PKHD1: variants seen among roughly 807,000 people sequenced by gnomAD.
PKHD1 encodes fibrocystin.
In PKHD1, 291 loss-of-function variants were observed where a neutral mutation model predicts 412.0. That is an observed-to-expected ratio of 0.71 (90% CI 0.64 to 0.78). The LOEUF (loss-of-function observed/expected upper bound fraction) is 0.78. Among genes scored for constraint, PKHD1 ranks in the 30% least tolerant of loss-of-function variants. PKHD1 has a pLI of 0.00. For synonymous variants in PKHD1, 1,777 were observed against 1,821.5 expected, an observed-to-expected ratio of 0.98 and a Z score of 0.62; for missense variants, 4,825 against 4,950.7, an observed-to-expected ratio of 0.97 and a Z score of 0.76.
chr6:51,753,122 T>C (rs1188085136), intron 57 of PKHD1, 79 bp downstream of exon 57: 14 of 1,252,464 alleles, frequency 1.1e-5, no homozygotes, highest in Non-Finnish European at 1.6e-5. Context: ...AAATGAAAAT[T>C]CTCACAGTTG....
intron 55 of PKHD1, among the ~76,000 whole-genome samples, chr6:51,764,933 C>T (rs1788729859): frequency 6.6e-6 from 1 of 152,052 alleles, no homozygotes; most frequent in African/African-American, 2.4e-5. Context: ...TGCTCCAAAT[C>T]TCTCTTCTAC....
Position 51,659,117 on chromosome 6 carries a change from G to A in PKHD1, c.11009C>T (p.Pro3670Leu), listed in dbSNP as rs759835032. 1 of 1,613,782 alleles carries A rather than the reference G, an allele frequency of 6.2e-7. No homozygotes were observed. Among genetic ancestry groups the A allele is most frequent in the Admixed American group, 1.7e-5 (1 of 59,918 alleles). Residue 3670 changes from proline to leucine, a missense_variant, in exon 61 of 67, where the codon CCA becomes CTA. By Grantham distance (98) the Pro-to-Leu change is moderately conservative. Transcript: ENST00000371117. ...AATCATTCCAGTGCTCCTTACTGTT[G>A]GCGAATCACCAATTTCAATGACAAT... Reference protein sequence around the residue: ...KVIVIEIGDSPTVRSTGMISS... With the variant: ...KVIVIEIGDSLTVRSTGMISS...
At position 51,754,903 on chromosome 6, in the gene PKHD1, TG is replaced by T; in HGVS notation, c.8677del (p.His2893MetfsTer4). 6.2e-7 allele frequency: 1 copy of T among 1,613,626 alleles called. No homozygotes were observed. The highest frequency in any genetic ancestry group is 8.5e-7 in the Non-Finnish European group (1 of 1,179,606). On this transcript the variant is annotated frameshift_variant, in exon 56 of 67. Coordinates refer to ENST00000371117, the MANE Select transcript of PKHD1 (RefSeq NM_138694.4). LOFTEE classifies it high-confidence loss of function. ...AGAGGAGCTAAGGACTATTTTGTCA[TG>T]GGGGCGCCAATCCACTGCATCTTCT... Reference protein sequence around the residue: ...IVEDAVDWRPHDKIVLSSSSY... With the variant: ...IVEDAVDWRPXDKIVLSSSSY...
chr6:51,847,631 C>A, intron 50 of PKHD1, 144 bp downstream of exon 50: 5 of 719,524 alleles, frequency 6.9e-6, no homozygotes, highest in Non-Finnish European at 7.4e-6. Flanking sequence ...GGCAATCAGA[C>A]TTCAGGGAAC....
At chr6:51,792,816 T>A (rs1582720281) in intron 52 of PKHD1, among the ~76,000 whole-genome samples, 1 of 152,260 alleles carries the variant, frequency 6.6e-6, no homozygotes, top group African/African-American at 2.4e-5. Flanking sequence ...GCTCCACCAC[T>A]CTCCCTGGGG....
intron 16 of PKHD1, 74 bp from the exon 17 acceptor site, chr6:52,057,053 C>A: frequency 1.1e-6 from 1 of 916,530 alleles, no homozygotes; most frequent in Non-Finnish European, 1.8e-6. Flanking sequence ...GAACACAGGA[C>A]ATTCCTCCTC....
rs964256400 is a variant in PKHD1, at chr6:51,635,898, A to G, written c.11506+2951T>C. 2.1e-5 allele frequency among the ~76,000 whole-genome samples: 3 copies of G among 144,072 alleles called. No homozygotes were observed. The East Asian group carries it at 6.3e-4, about 30-fold the overall frequency. The allele number at this position is 144,072 out of a possible 152,430, so 94.5% of individuals were successfully genotyped here. On this transcript the variant is annotated intron_variant, in intron 64 of 66. Transcript: ENST00000371117. The stretch of plus-strand genomic sequence containing the variant: ...GGCCGGGGGCGGATTTGTGGGTGAT[A>G]CCTGGTTACATTAATCTCTTCTCAG...
At chr6:51,726,580 T>C (rs1235360321) in intron 60 of PKHD1, among the ~76,000 whole-genome samples, 1 of 152,204 alleles carries the variant, frequency 6.6e-6, no homozygotes, top group Non-Finnish European at 1.5e-5. Context: ...TCCAGCTTCC[T>C]GGGCCAGCCC....
chr6:51,656,640 T>C (rs1209254230), intron 61 of PKHD1, among the ~76,000 whole-genome samples: 3 of 150,656 alleles, frequency 2.0e-5, no homozygotes, highest in African/African-American at 7.3e-5. Context: ...CAAAACAGAG[T>C]TGGTAGCTTA....
chr6:51,885,229 A>C lies in PKHD1; in HGVS notation c.7215+638T>G, dbSNP rs751834106. On this transcript the variant is annotated intron_variant, in intron 45 of 66. Coordinates refer to ENST00000371117, the MANE Select transcript of PKHD1 (RefSeq NM_138694.4). Reference sequence around the variant, plus strand: ...AGCAGTGAGCATGCAAAGCTTCCTTATAAGAAAATCATTGGGATAATGAAG... The same window carrying C: ...AGCAGTGAGCATGCAAAGCTTCCTTCTAAGAAAATCATTGGGATAATGAAG... 6.6e-5 allele frequency among the ~76,000 whole-genome samples: 10 copies of C among 152,312 alleles called. No homozygotes were observed. The Middle Eastern group carries it at 0.02, about 311-fold the overall frequency.
chr6:51,633,747 A>G (rs1768207994), intron 64 of PKHD1, among the ~76,000 whole-genome samples: 1 of 152,182 alleles, frequency 6.6e-6, no homozygotes, highest in South Asian at 2.1e-4. Context: ...TGGTGGAGAA[A>G]GGCTACATGT....
chr6:51,974,455 T>C (rs1236070688), intron 35 of PKHD1, among the ~76,000 whole-genome samples: 4 of 152,224 alleles, frequency 2.6e-5, no homozygotes, highest in African/African-American at 7.2e-5. Context: ...AGGCATAGAC[T>C]GTTGAAAGCT....
intron 52 of PKHD1, among the ~76,000 whole-genome samples, chr6:51,797,922 T>C (rs1486866335): frequency 1.3e-5 from 2 of 152,230 alleles, no homozygotes; most frequent in Non-Finnish European, 2.9e-5. Context: ...TATTTCAGTG[T>C]GTTTTTGTAG....
In PKHD1 at chr6:51,898,078, C is replaced by T. The variant is rs867204461; in HGVS notation, c.6996+5519G>A. On this transcript the variant is annotated intron_variant, in intron 43 of 66. Transcript: ENST00000371117. Reference sequence around the variant, plus strand: ...ACATTAATAATGGGAGACTTTAACACCCCACTGTCAACATTAGACAGATCA... The same window carrying T: ...ACATTAATAATGGGAGACTTTAACATCCCACTGTCAACATTAGACAGATCA... Among the ~76,000 whole-genome samples, 536 of 150,438 alleles carry T rather than the reference C, an allele frequency of 3.6e-3. 2 individuals are homozygous for T. The highest frequency in any genetic ancestry group is 0.012 in the African/African-American group (511 of 40,986).
intron 19 of PKHD1, among the ~76,000 whole-genome samples, chr6:52,055,116 C>T (rs1426544988): frequency 6.6e-6 from 1 of 152,214 alleles, no homozygotes; most frequent in Non-Finnish European, 1.5e-5. Context: ...AATTAGCCTT[C>T]ACTGGGTCCT....
intron 34 of PKHD1, among the ~76,000 whole-genome samples, chr6:52,012,782 T>C (rs1469079416): frequency 6.6e-6 from 1 of 152,226 alleles, no homozygotes; most frequent in Non-Finnish European, 1.5e-5. Flanking sequence ...GCTATGTTTA[T>C]ATCATAAGTC....
In PKHD1 at chr6:51,960,002, G is replaced by C. The variant is rs543037335; in HGVS notation, c.5776C>G (p.Arg1926Gly). Residue 1926 changes from arginine (R) to glycine (G), a missense_variant, in exon 36 of 67, where the codon CGG becomes GGG. Coordinates refer to ENST00000371117, the MANE Select transcript of PKHD1 (RefSeq NM_138694.4). ...CAGCTGTGAGTCCTGGACCATCTCCGGCAGAACTGTAAAGAAAAGTTGCCC... is the reference window on the plus strand; with the variant it reads ...CAGCTGTGAGTCCTGGACCATCTCCCGCAGAACTGTAAAGAAAAGTTGCCC... Reference protein sequence around the residue: ...TQGNFSLQFCRRWSRTHSWFP... With the variant: ...TQGNFSLQFCGRWSRTHSWFP... The C allele has an allele frequency of 6.2e-7, 1 of 1,613,368 alleles. No homozygotes were observed. The highest frequency in any genetic ancestry group is 8.5e-7 in the Non-Finnish European group (1 of 1,179,574).
chr6:51,769,362 CA>C (rs1264186584), intron 55 of PKHD1, among the ~76,000 whole-genome samples: 1 of 151,214 alleles, frequency 6.6e-6, no homozygotes, highest in Admixed American at 6.6e-5. Flanking sequence ...CTTCTCTAGC[CA>C]ATTATGATAA....
rs1327024436 is a variant in PKHD1, at chr6:51,617,354, C to T, written c.*1727G>A. 1 of 152,156 alleles carries T rather than the reference C, an allele frequency of 6.6e-6. No homozygotes were observed. The highest frequency in any genetic ancestry group is 1.9e-4 in the East Asian group (1 of 5,204). The allele number at this position is 152,156 out of a possible 1,614,324, so 9.4% of individuals were successfully genotyped here. Reference sequence around the variant, plus strand: ...CAGGGACTAATTAAACTAGGGAAGGCATGTTCTGCCTAAGTCATTCGAGTT... The same window carrying T: ...CAGGGACTAATTAAACTAGGGAAGGTATGTTCTGCCTAAGTCATTCGAGTT... On this transcript the variant is annotated 3_prime_UTR_variant, in exon 67 of 67. Coordinates refer to ENST00000371117, the MANE Select transcript of PKHD1 (RefSeq NM_138694.4).
Sources: gnomAD v4.1 joint callset for allele counts (sites outside exome capture counted in the v4.1 genomes callset) on GRCh38, gnomAD v4.1.1 for gene constraint, MANE v1.5 for transcripts, NCBI Gene and HGNC (gene_info 2026-07-23, HGNC 2026-07-21) for gene names.